Variants in PPME1 observed in about 807,000 individuals in gnomAD.
PPME1 encodes testicular secretory protein Li 39.
A neutral mutation model predicts 56.9 loss-of-function variants in PPME1; 17 were observed. The observed-to-expected ratio is 0.30, with a 90% CI of 0.20 to 0.45. The LOEUF is 0.45. PPME1 is among the 20% of genes least tolerant of loss of function. The probability of loss-of-function intolerance (pLI) is 1.00; values close to 1 mark genes in which losing one functional copy is unlikely to be tolerated. For missense variants in PPME1, 357 were observed against 483.2 expected, an observed-to-expected ratio of 0.74 and a Z score of 2.45; for synonymous variants, 122 against 156.2, an observed-to-expected ratio of 0.78 and a Z score of 1.63.
chr11:74,236,271 A>T (rs1859188945), intron 8 of PPME1, among the ~76,000 whole-genome samples: 1 of 152,154 alleles, frequency 6.6e-6, no homozygotes, highest in Admixed American at 6.5e-5. Flanking sequence ...TGTTAACCTT[A>T]GTGATAGCAG....
At chr11:74,247,483 G>GTT (rs761820906) in intron 11 of PPME1, 210 of 119,064 alleles carry the variant, frequency 1.8e-3, no homozygotes, top group African/African-American at 4.2e-3. Flanking sequence ...TTGTTTGTGG[G>GTT]TTTTTTTTTT....
intron 1 of PPME1, among the ~76,000 whole-genome samples, chr11:74,183,751 A>G (rs992626808): frequency 1.1e-4 from 17 of 152,122 alleles, no homozygotes; most frequent in African/African-American, 3.9e-4. Context: ...ACTGTATTTC[A>G]TCTATTCTAG....
Position 74,253,822 on chromosome 11 carries a change from C to T in PPME1, c.*312C>T. ...AAGCCTCCAGATTTGCCATACTGAGCCCCTCTTCCTAGCATCAGGCGATAC... is the reference window on the plus strand; with the variant it reads ...AAGCCTCCAGATTTGCCATACTGAGTCCCTCTTCCTAGCATCAGGCGATAC... On this transcript the variant is annotated 3_prime_UTR_variant, in exon 14 of 14. Transcript: ENST00000328257. 3.9e-6 allele frequency: 2 copies of T among 511,894 alleles called. No homozygotes were observed. The highest frequency in any genetic ancestry group is 3.5e-5 in the Admixed American group (1 of 28,944). The allele number at this position is 511,894 out of a possible 1,614,324, so 31.7% of individuals were successfully genotyped here.
chr11:74,230,826 A>G lies in PPME1; in HGVS notation c.554-86A>G. 1 of 1,021,654 alleles carries G rather than the reference A, an allele frequency of 9.8e-7. No individual in the cohort carries two copies. Among genetic ancestry groups the G allele is most frequent in the Admixed American group, 2.2e-5 (1 of 46,064 alleles). The allele number at this position is 1,021,654 out of a possible 1,614,324, so 63.3% of individuals were successfully genotyped here. A position where few individuals can be genotyped will look rare whatever the true frequency, so the allele number is the denominator to read the frequency against. On this transcript the variant is annotated intron_variant, in intron 6 of 13. Transcript: ENST00000328257. The surrounding 1 kb of genome is among the most constrained non-coding windows in gnomAD (Gnocchi z 4.9). The stretch of plus-strand genomic sequence containing the variant: ...GCATCACTAAATTCTGCTGTCATCA[A>G]GAGCAGATATATAGTAGTTGACTCA...
intron 9 of PPME1, among the ~76,000 whole-genome samples, chr11:74,244,433 TTC>T (rs1859455581): frequency 6.6e-6 from 1 of 152,218 alleles, no homozygotes; most frequent in African/African-American, 2.4e-5. Flanking sequence ...ACACTTATTT[TTC>T]TCTTTTTTGA....
At chr11:74,190,088 A>G (rs891265398) in intron 1 of PPME1, among the ~76,000 whole-genome samples, 3 of 152,236 alleles carry the variant, frequency 2.0e-5, no homozygotes, top group Non-Finnish European at 1.5e-5. Context: ...TGAGAGACAG[A>G]CTTTCAAGAC....
intron 1 of PPME1, among the ~76,000 whole-genome samples, chr11:74,194,573 T>C (rs1010877615): frequency 6.6e-6 from 1 of 151,058 alleles, no homozygotes; most frequent in African/African-American, 2.4e-5. Flanking sequence ...TATATATAAT[T>C]ATTTAATAAT....
chr11:74,187,370 A>G (rs368966807), intron 1 of PPME1, among the ~76,000 whole-genome samples: 62 of 152,306 alleles, frequency 4.1e-4, no homozygotes, highest in African/African-American at 1.4e-3. Context: ...GTTCTAATCC[A>G]TGAACACTGG....
In PPME1 at chr11:74,230,470, G is replaced by A; in HGVS notation, c.553+71G>A. Reference sequence around the variant, plus strand: ...GACATCCTTGGTAGATTATTACCTTGTCTTAGTTTATTGTTGATTTCATTC... The same window carrying A: ...GACATCCTTGGTAGATTATTACCTTATCTTAGTTTATTGTTGATTTCATTC... On this transcript the variant is annotated intron_variant, in intron 6 of 13. Transcript: ENST00000328257. The surrounding 1 kb of genome is among the most constrained non-coding windows in gnomAD (Gnocchi z 4.9). 1 of 1,512,228 alleles carries A rather than the reference G, an allele frequency of 6.6e-7. No individual in the cohort carries two copies. The highest frequency in any genetic ancestry group is 1.2e-5 in the South Asian group (1 of 84,894). 93.7% of individuals were successfully genotyped at this position (1,512,228 alleles called of 1,614,324 possible). A position where few individuals can be genotyped will look rare whatever the true frequency, so the allele number is the denominator to read the frequency against.
chr11:74,229,986 G>A (rs1323957268), intron 5 of PPME1, among the ~76,000 whole-genome samples: 2 of 152,214 alleles, frequency 1.3e-5, no homozygotes, highest in African/African-American at 4.8e-5. Flanking sequence ...AACAGTGAAA[G>A]TGTGATGTAA....
At chr11:74,210,371 T>A (rs1314169828) in intron 3 of PPME1, among the ~76,000 whole-genome samples, 2 of 152,184 alleles carry the variant, frequency 1.3e-5, no homozygotes, top group African/African-American at 4.8e-5. Flanking sequence ...TGCATGAATA[T>A]CATACTTAGT....
intron 8 of PPME1, 151 bp from the exon 9 acceptor site, chr11:74,238,982 G>T: frequency 1.3e-6 from 1 of 771,760 alleles, no homozygotes; most frequent in South Asian, 2.0e-5. Context: ...ATTTTCCACA[G>T]CCCTGGAAAT....
intron 1 of PPME1, among the ~76,000 whole-genome samples, chr11:74,192,714 T>C (rs1857873747): frequency 6.6e-6 from 1 of 152,136 alleles, no homozygotes; most frequent in Admixed American, 6.5e-5. Context: ...TCTCTCCAGA[T>C]CTGGTTGTTT....
chr11:74,230,426 C>T lies in PPME1; in HGVS notation c.553+27C>T. The T allele has an allele frequency of 6.2e-7, 1 of 1,608,750 alleles. No individual in the cohort carries two copies. Among genetic ancestry groups the T allele is most frequent in the Non-Finnish European group, 8.5e-7 (1 of 1,176,442 alleles). On this transcript the variant is annotated intron_variant, in intron 6 of 13. Coordinates refer to ENST00000328257, the MANE Select transcript of PPME1 (RefSeq NM_016147.3). This position sits in a 1 kb window ranked among gnomAD's most constrained non-coding sequence, Gnocchi z 4.9. ...TGAGTTTTCTTAGCACTGACCAAAT[C>T]AGGATTTCACTTATAAGAGACATCC...
chr11:74,213,713 A>G (rs1377647396), intron 3 of PPME1, among the ~76,000 whole-genome samples: 1 of 152,250 alleles, frequency 6.6e-6, no homozygotes, highest in Non-Finnish European at 1.5e-5. Context: ...ATTCTTCTGG[A>G]TCTTATCCAA....
intron 3 of PPME1, among the ~76,000 whole-genome samples, chr11:74,220,220 A>T (rs759779265): frequency 7.2e-5 from 11 of 152,198 alleles, no homozygotes; most frequent in Non-Finnish European, 1.3e-4. Context: ...ATATTTTCCC[A>T]GCCGACTTCT....
chr11:74,180,596 T>C (rs1857505836), intron 1 of PPME1, among the ~76,000 whole-genome samples: 1 of 152,226 alleles, frequency 6.6e-6, no homozygotes, highest in Non-Finnish European at 1.5e-5. Flanking sequence ...AAAATAATTA[T>C]ATGGTCGAAA....
intron 11 of PPME1, 92 bp downstream of exon 11, chr11:74,247,215 A>G (rs1435281200): frequency 1.7e-6 from 2 of 1,190,188 alleles, no homozygotes; most frequent in East Asian, 4.9e-5. Context: ...TATAACGGAG[A>G]AAGCATGAGC....
chr11:74,173,464 A>AG (rs1857333776), intron 1 of PPME1, among the ~76,000 whole-genome samples: 1 of 152,020 alleles, frequency 6.6e-6, no homozygotes, highest in South Asian at 2.1e-4. Flanking sequence ...AGATACTGAG[A>AG]GAAAAAAAAA....
Sources: gnomAD v4.1 joint callset for allele counts (sites outside exome capture counted in the v4.1 genomes callset) on GRCh38, gnomAD v4.1.1 for gene constraint, Gnocchi (gnomAD v3.1) non-coding constraint, MANE v1.5 for transcripts, NCBI Gene and HGNC (gene_info 2026-07-23, HGNC 2026-07-21) for gene names.